Variants in CNTNAP2 observed in about 807,000 individuals in gnomAD.
CNTNAP2 encodes contactin-associated protein-like 2.
In CNTNAP2, 98 loss-of-function variants were observed where a neutral mutation model predicts 155.2. The ratio of observed to expected loss-of-function variants is 0.63; its 90% CI spans 0.54 to 0.75. The LOEUF (loss-of-function observed/expected upper bound fraction) is 0.75. Among genes scored for constraint, CNTNAP2 ranks in the 30% least tolerant of loss-of-function variants. The pLI is 0.00. For missense variants in CNTNAP2, 1,727 were observed against 1,688.1 expected, an observed-to-expected ratio of 1.02 and a Z score of -0.40; for synonymous variants, 651 against 631.2, an observed-to-expected ratio of 1.03 and a Z score of -0.47.
chr7:147,558,597 G>A (rs562379290), intron 11 of CNTNAP2, among the ~76,000 whole-genome samples: 4 of 152,312 alleles, frequency 2.6e-5, no homozygotes, highest in East Asian at 1.9e-4. Flanking sequence ...TTCTGTAAGC[G>A]TTGATGAGGC....
At chr7:148,115,282 T>C (rs1324369368) in intron 15 of CNTNAP2, among the ~76,000 whole-genome samples, 1 of 152,256 alleles carries the variant, frequency 6.6e-6, no homozygotes, top group South Asian at 2.1e-4. Flanking sequence ...AAATAAATAC[T>C]GACATGTTTT....
intron 4 of CNTNAP2, among the ~76,000 whole-genome samples, chr7:147,077,398 C>T (rs189274796): frequency 1.3e-5 from 2 of 152,002 alleles, no homozygotes; most frequent in African/African-American, 4.8e-5. Flanking sequence ...TTAGTGGAAA[C>T]AAAAGATGCA....
chr7:147,981,555 A>G (rs1043248774), intron 15 of CNTNAP2, among the ~76,000 whole-genome samples: 1 of 152,148 alleles, frequency 6.6e-6, no homozygotes, highest in East Asian at 1.9e-4. Flanking sequence ...CTGCCTCTTG[A>G]ATTAGGCCCC....
At chr7:147,836,927 G>A (rs973228774) in intron 13 of CNTNAP2, among the ~76,000 whole-genome samples, 2 of 152,090 alleles carry the variant, frequency 1.3e-5, no homozygotes, top group African/African-American at 2.4e-5. Flanking sequence ...TCTCCTCTGA[G>A]TTTCTAAATG....
At chr7:146,667,956 G>T (rs1171497611) in intron 1 of CNTNAP2, among the ~76,000 whole-genome samples, 2 of 152,018 alleles carry the variant, frequency 1.3e-5, no homozygotes, top group East Asian at 3.9e-4. Flanking sequence ...GAATGTGGAT[G>T]CCCTTTAATT....
intron 2 of CNTNAP2, chr7:146,787,027 T>G (rs913286083): frequency 6.6e-6 from 1 of 152,230 alleles, no homozygotes; most frequent in East Asian, 1.9e-4. Flanking sequence ...AATGCATAAT[T>G]AAGCGTGTTC....
In CNTNAP2 at chr7:147,414,439, A is replaced by AG. The variant is rs1223134268; in HGVS notation, c.1670+18659_1670+18660insG. On this transcript the variant is annotated intron_variant, in intron 10 of 23. Coordinates refer to ENST00000361727, the MANE Select transcript of CNTNAP2 (RefSeq NM_014141.6). ...AGTCTGTCTCAAAAACATTAAAAAA[A>AG]AAAAAAAAAAAAGGATGCCAACAAT... 2.6e-5 allele frequency among the ~76,000 whole-genome samples: 4 copies of AG among 151,926 alleles called. 1 individual carries two copies. The highest frequency in any genetic ancestry group is 9.7e-5 in the African/African-American group (4 of 41,418).
At chr7:147,748,362 G>A (rs79050302) in intron 13 of CNTNAP2, among the ~76,000 whole-genome samples, 1,663 of 152,010 alleles carry the variant, frequency 0.011, 94 homozygotes, top group Admixed American at 0.087. Context: ...ATTAAGATGT[G>A]ATGAATGAAA....
intron 8 of CNTNAP2, among the ~76,000 whole-genome samples, chr7:147,163,081 G>A (rs1487500993): frequency 6.6e-6 from 1 of 152,086 alleles, no homozygotes; most frequent in Non-Finnish European, 1.5e-5. Context: ...GGAAAGCCAG[G>A]GAAATGAAAT....
At chr7:146,264,960 T>C (rs1465122875) in intron 1 of CNTNAP2, among the ~76,000 whole-genome samples, 4 of 152,200 alleles carry the variant, frequency 2.6e-5, no homozygotes, top group Non-Finnish European at 5.9e-5. Flanking sequence ...AGTAACCACA[T>C]TCATTATAGA....
chr7:147,542,619 G>C (rs1053554801), intron 11 of CNTNAP2, among the ~76,000 whole-genome samples: 2 of 152,208 alleles, frequency 1.3e-5, no homozygotes, highest in Non-Finnish European at 2.9e-5. Flanking sequence ...CCTTAACTGT[G>C]ACTAGCTAAG....
In CNTNAP2 at chr7:146,398,656, A is replaced by G. The variant is rs1348276305; in HGVS notation, c.97+281683A>G. On this transcript the variant is annotated intron_variant, in intron 1 of 23. Coordinates refer to ENST00000361727, the MANE Select transcript of CNTNAP2 (RefSeq NM_014141.6). ...GTGAGAAGTAGCTCAACTCTGGAGT[A>G]AGGCTAAACTGGGTCTGAATATGTT... Among the ~76,000 whole-genome samples the G allele has an allele frequency of 3.3e-5, 5 of 152,200 alleles. No homozygotes were observed. In the South Asian group the frequency reaches 8.3e-4, roughly 25 times the overall value.
At chr7:147,629,335 A>G (rs561982823) in intron 12 of CNTNAP2, among the ~76,000 whole-genome samples, 14 of 151,846 alleles carry the variant, frequency 9.2e-5, no homozygotes, top group African/African-American at 2.9e-4. Context: ...CCCCAGAGGC[A>G]GAGGTTGCAG....
intron 13 of CNTNAP2, among the ~76,000 whole-genome samples, chr7:147,852,351 T>C (rs1287342694): frequency 2.0e-5 from 3 of 152,202 alleles, no homozygotes; most frequent in African/African-American, 4.8e-5. Flanking sequence ...TTCTGTATCA[T>C]TCCAAAAATA....
intron 3 of CNTNAP2, among the ~76,000 whole-genome samples, chr7:146,951,106 C>A (rs1447625756): frequency 6.6e-6 from 1 of 152,110 alleles, no homozygotes; most frequent in Non-Finnish European, 1.5e-5. Context: ...TGAGAAGTGT[C>A]TGTTCATATC....
Position 148,231,972 on chromosome 7 carries a change from G to T in CNTNAP2, c.3381+2193G>T, listed in dbSNP as rs73474265. ...ACCTGGGAAGTGCTTCCTCGATTCC[G>T]CCCTAGGTTCTGCACCTGGAAGTGT... On this transcript the variant is annotated intron_variant, in intron 20 of 23. Transcript: ENST00000361727. Among the ~76,000 whole-genome samples the T allele has an allele frequency of 5.2e-3, 787 of 152,234 alleles. 5 individuals are homozygous for T. Among genetic ancestry groups the T allele is most frequent in the African/African-American group, 0.018 (756 of 41,532 alleles).
chr7:146,408,389 C>A (rs1795822255), intron 1 of CNTNAP2, among the ~76,000 whole-genome samples: 1 of 152,074 alleles, frequency 6.6e-6, no homozygotes, highest in African/African-American at 2.4e-5. Context: ...GAAGGGACTG[C>A]CTCAGAGACC....
At chr7:147,372,219 A>G (rs1796359728) in intron 9 of CNTNAP2, among the ~76,000 whole-genome samples, 1 of 152,134 alleles carries the variant, frequency 6.6e-6, no homozygotes, top group East Asian at 1.9e-4. Context: ...CTTACTCCTG[A>G]AAGATAAAGA....
intron 1 of CNTNAP2, among the ~76,000 whole-genome samples, chr7:146,472,813 T>G (rs1402678135): frequency 6.6e-6 from 1 of 152,006 alleles, no homozygotes. Context: ...CAGATCATAC[T>G]TGGACGATCC....
Sources: allele counts gnomAD v4.1 joint callset (sites outside exome capture counted in the v4.1 genomes callset), GRCh38; gene constraint gnomAD v4.1.1; transcripts MANE v1.5; gene names NCBI Gene and HGNC (gene_info 2026-07-23, HGNC 2026-07-21).